The following ITGA6 variants were observed in gnomAD, a reference collection of about 807,000 sequenced individuals.
ITGA6 encodes the protein integrin subunit alpha 6, also known as integrin alpha-6.
In ITGA6, 63 loss-of-function variants were observed where a neutral mutation model predicts 133.6. The observed-to-expected ratio is 0.47, with a 90% CI of 0.38 to 0.58. The LOEUF (loss-of-function observed/expected upper bound fraction) is 0.58. ITGA6 is among the 20% of genes least tolerant of loss of function. The pLI is 0.00. For missense variants in ITGA6, 1,068 were observed against 1,309.4 expected, an observed-to-expected ratio of 0.82 and a Z score of 2.85; for synonymous variants, 434 against 482.0, an observed-to-expected ratio of 0.90 and a Z score of 1.30.
At chr2:172,435,616 CT>C (rs58005683) in intron 1 of ITGA6, among the ~76,000 whole-genome samples, 1,222 of 82,220 alleles carry the variant, frequency 0.015, 6 homozygotes, top group African/African-American at 0.047. Context: ...AGTTTTGTTT[CT>C]TTTTTTTTTT....
intron 19 of ITGA6, 25 bp from the exon 20 acceptor site, chr2:172,489,460 G>A: frequency 6.4e-7 from 1 of 1,566,050 alleles, no homozygotes; most frequent in Non-Finnish European, 8.8e-7. Context: ...ATTAGACTGA[G>A]ATAATATGTA....
Position 172,480,030 on chromosome 2 carries a change from G to A in ITGA6, c.1528G>A (p.Ala510Thr), listed in dbSNP as rs760532151. The change falls in exon 11 of 26, where the codon GCT (alanine) becomes ACT (threonine). Residue 510 changes from alanine (A) to threonine (T), a missense_variant. Coordinates refer to ENST00000684293, the MANE Select transcript of ITGA6 (RefSeq NM_000210.4). ...KSCFEYTANP[A>T]GYNPSISIVG... ...CTGTTTTGAATATACTGCTAACCCC[G>A]CTGGTTATAATCCTTCAATATGTAA... The A allele has an allele frequency of 2.0e-5, 32 of 1,584,556 alleles. No individual in the cohort carries two copies. Among genetic ancestry groups the A allele is most frequent in the African/African-American group, 2.7e-5 (2 of 74,396 alleles).
chr2:172,485,043 C>T (rs1371838390), intron 12 of ITGA6, 78 bp from the exon 13 acceptor site: 2 of 1,591,150 alleles, frequency 1.3e-6, no homozygotes, highest in African/African-American at 2.7e-5. Flanking sequence ...ACCTCTTAAT[C>T]AATACAAAAT....
At position 172,474,951 on chromosome 2, in the gene ITGA6, GCC is replaced by G. The variant is rs2149048685; in HGVS notation, c.1012_1013del (p.Pro338ThrfsTer4). 1 of 1,574,352 alleles carries G rather than the reference GCC, an allele frequency of 6.4e-7. No homozygotes were observed. Among genetic ancestry groups the G allele is most frequent in the Non-Finnish European group, 8.7e-7 (1 of 1,143,750 alleles). ...TAGGTGGCAAGATATAGTTATTGGA[GCC>G]CCACAGTATTTTGATAGAGATGGAG... ...KDGWQDIVIG[A>X]PQYFDRDGEV... On this transcript the variant is annotated frameshift_variant, in exon 7 of 26. Coordinates refer to ENST00000684293, the MANE Select transcript of ITGA6 (RefSeq NM_000210.4). LOFTEE classifies it high-confidence loss of function.
At chr2:172,496,020 G>A (rs538558526) in intron 23 of ITGA6, among the ~76,000 whole-genome samples, 2 of 152,280 alleles carry the variant, frequency 1.3e-5, no homozygotes, top group South Asian at 4.1e-4. Context: ...TTGCCCTGAG[G>A]ATACACTGTA....
At chr2:172,486,079 G>A (rs1686652665) in intron 13 of ITGA6, among the ~76,000 whole-genome samples, 1 of 149,938 alleles carries the variant, frequency 6.7e-6, no homozygotes, top group South Asian at 2.1e-4. Flanking sequence ...AGGAGGCTGA[G>A]GCAGGAGAAT....
Position 172,491,129 on chromosome 2 carries a change from A to G in ITGA6, c.2778+7A>G, listed in dbSNP as rs1355066415. The G allele has an allele frequency of 6.9e-6, 10 of 1,457,298 alleles. No individual in the cohort carries two copies. The highest frequency in any genetic ancestry group is 8.7e-6 in the Non-Finnish European group (9 of 1,037,098). 90.3% of individuals were successfully genotyped at this position (1,457,298 alleles called of 1,614,324 possible). ...AAGAAAATACCAGACTCTTGTAAGT[A>G]TTTTTCAAGAGCTGTGAATATTTGA... On this transcript the variant is annotated splice_region_variant and intron_variant, in intron 21 of 25. Coordinates refer to ENST00000684293, the MANE Select transcript of ITGA6 (RefSeq NM_000210.4). The surrounding 1 kb of genome is among the most constrained non-coding windows in gnomAD (Gnocchi z 4.4).
intron 11 of ITGA6, among the ~76,000 whole-genome samples, chr2:172,481,432 A>C (rs1686435597): frequency 6.6e-6 from 1 of 152,226 alleles, no homozygotes; most frequent in Non-Finnish European, 1.5e-5. Context: ...TTTATATAAC[A>C]CTAATGAATG....
intron 1 of ITGA6, 156 bp from the exon 2 acceptor site, chr2:172,465,383 A>G: frequency 3.4e-6 from 3 of 875,608 alleles, no homozygotes; most frequent in South Asian, 1.4e-5. Flanking sequence ...AACCAGCCAT[A>G]GGACTCTACA....
chr2:172,431,868 G>A (rs929541924), intron 1 of ITGA6, among the ~76,000 whole-genome samples: 1 of 152,194 alleles, frequency 6.6e-6, no homozygotes, highest in Non-Finnish European at 1.5e-5. Flanking sequence ...TATTTATATG[G>A]TATAAATAAT....
At position 172,470,944 on chromosome 2, in the gene ITGA6, T is replaced by G. The variant is rs763699986; in HGVS notation, c.644-30T>G. 8.1e-6 allele frequency: 13 copies of G among 1,610,730 alleles called. No individual in the cohort carries two copies. The Admixed American group carries it at 1.8e-4, about 23-fold the overall frequency. ...TTTTCTTTTGTTTCATCTTCATTTT[T>G]TTGTTGTTTTTACCATTTCATTCCT... On this transcript the variant is annotated intron_variant, in intron 4 of 25. Transcript: ENST00000684293.
chr2:172,427,418 A>T, upstream of ITGA6: 1 of 1,025,888 alleles, frequency 9.7e-7, no homozygotes, highest in East Asian at 9.4e-5. Flanking sequence ...CGGGGCTCCC[A>T]CGTCGTGGCT....
chr2:172,431,313 A>G (rs1259716338), intron 1 of ITGA6, among the ~76,000 whole-genome samples: 3 of 152,206 alleles, frequency 2.0e-5, no homozygotes, highest in African/African-American at 7.2e-5. Flanking sequence ...TCTCTGACCC[A>G]TGCTCATGCC....
At chr2:172,471,829 G>C (rs10930557) in intron 5 of ITGA6, among the ~76,000 whole-genome samples, 22,635 of 144,928 alleles carry the variant, frequency 0.16, 1,912 homozygotes, top group African/African-American at 0.24. Flanking sequence ...TTGACAAAAA[G>C]AATAATTACT....
Position 172,471,432 on chromosome 2 carries a change from T to C in ITGA6, c.775+327T>C, listed in dbSNP as rs562057661. ...CTGAAACAGGCCGCTCATGCAGCCA[T>C]GAAAACATGCATGGGTGTTCACAGT... On this transcript the variant is annotated intron_variant, in intron 5 of 25. Transcript: ENST00000684293. Among the ~76,000 whole-genome samples the C allele has an allele frequency of 5.3e-4, 81 of 152,354 alleles. 1 individual carries two copies. The highest frequency in any genetic ancestry group is 1.7e-3 in the African/African-American group (71 of 41,592).
intron 1 of ITGA6, among the ~76,000 whole-genome samples, chr2:172,446,107 A>G (rs930784905): frequency 1.3e-5 from 2 of 152,230 alleles, no homozygotes; most frequent in Non-Finnish European, 2.9e-5. Flanking sequence ...CAGAGCTACT[A>G]AGCCTGTTGT....
At chr2:172,435,958 A>G (rs1416284472) in intron 1 of ITGA6, among the ~76,000 whole-genome samples, 2 of 152,138 alleles carry the variant, frequency 1.3e-5, no homozygotes, top group Admixed American at 6.5e-5. Flanking sequence ...GAAGAGTTCA[A>G]AGAGGCTCAG....
intron 20 of ITGA6, 85 bp downstream of exon 20, chr2:172,489,743 G>C (rs1686843054): frequency 8.1e-7 from 1 of 1,229,482 alleles, no homozygotes; most frequent in East Asian, 2.5e-5. Flanking sequence ...CTGTTCTTAG[G>C]AAAGTGGCAT....
chr2:172,458,899 C>CA (rs1685318858), intron 1 of ITGA6, among the ~76,000 whole-genome samples: 2 of 152,042 alleles, frequency 1.3e-5, no homozygotes, highest in Non-Finnish European at 2.9e-5. Flanking sequence ...ACAGTCAGAA[C>CA]AAAGAGCTCT....
Sources: allele counts gnomAD v4.1 joint callset (sites outside exome capture counted in the v4.1 genomes callset), GRCh38; gene constraint gnomAD v4.1.1; non-coding constraint Gnocchi (gnomAD v3.1); transcripts MANE v1.5; gene names NCBI Gene and HGNC (gene_info 2026-07-23, HGNC 2026-07-21).